PALM2AKAP2: variants seen among roughly 807,000 people sequenced by gnomAD.
PALM2AKAP2 encodes PALM2 and AKAP2 fusion.
In PALM2AKAP2, 37 loss-of-function variants were observed where a neutral mutation model predicts 71.5. The ratio of observed to expected loss-of-function variants is 0.52; its 90% CI spans 0.40 to 0.68. PALM2AKAP2 has a LOEUF of 0.68. Among genes scored for constraint, PALM2AKAP2 ranks in the 30% least tolerant of loss-of-function variants. The probability of loss-of-function intolerance (pLI) is 0.00; values close to 1 mark genes in which losing one functional copy is unlikely to be tolerated. For synonymous variants in PALM2AKAP2, 468 were observed against 478.8 expected, an observed-to-expected ratio of 0.98 and a Z score of 0.29; for missense variants, 1,224 against 1,191.8, an observed-to-expected ratio of 1.03 and a Z score of -0.40.
chr9:109,657,543 A>T (rs1425515151), intron 1 of PALM2AKAP2, among the ~76,000 whole-genome samples: 2 of 150,402 alleles, frequency 1.3e-5, no homozygotes, highest in East Asian at 3.9e-4. Flanking sequence ...GGAAGAGAGG[A>T]TGACAGAGAG....
intron 7 of PALM2AKAP2, among the ~76,000 whole-genome samples, chr9:110,027,120 ATTTT>A (rs1259624186): frequency 6.6e-6 from 1 of 152,148 alleles, no homozygotes; most frequent in Non-Finnish European, 1.5e-5. Flanking sequence ...TACAAGCTAG[ATTTT>A]TAAAGATATT....
chr9:110,076,389 C>G (rs62580259), intron 1 of PALM2AKAP2, among the ~76,000 whole-genome samples: 34,737 of 150,226 alleles, frequency 0.23, 5,103 homozygotes, highest in East Asian at 0.41. Context: ...ATAAACATCC[C>G]TGGTTATTTT....
At chr9:109,659,130 C>T (rs756104463) in intron 1 of PALM2AKAP2, among the ~76,000 whole-genome samples, 7 of 149,662 alleles carry the variant, frequency 4.7e-5, no homozygotes, top group African/African-American at 1.5e-4. Context: ...GGTAAAAATG[C>T]TATGTAATGG....
intron 1 of PALM2AKAP2, among the ~76,000 whole-genome samples, chr9:109,680,189 A>G (rs1346323347): frequency 1.3e-5 from 2 of 152,166 alleles, no homozygotes; most frequent in African/African-American, 4.8e-5. Flanking sequence ...CCTAGGATAT[A>G]TATGGTTTGG....
At chr9:109,780,056 T>C (rs1829411200), upstream of PALM2AKAP2, among the ~76,000 whole-genome samples, 1 of 151,086 alleles carries the variant, frequency 6.6e-6, no homozygotes, top group Admixed American at 6.6e-5. Context: ...GTCTGCGCCT[T>C]GGAGACCCGC....
At chr9:110,061,532 G>A (rs1406834302) in intron 1 of PALM2AKAP2, among the ~76,000 whole-genome samples, 3 of 151,406 alleles carry the variant, frequency 2.0e-5, no homozygotes, top group Admixed American at 1.3e-4. Context: ...TGAAAGTCAG[G>A]CCCTATTTCC....
intron 7 of PALM2AKAP2, among the ~76,000 whole-genome samples, chr9:110,022,617 G>A (rs1398029372): frequency 6.6e-6 from 1 of 150,536 alleles, no homozygotes; most frequent in Non-Finnish European, 1.5e-5. Context: ...TAGGGTACAT[G>A]TGCACAATGT....
intron 1 of PALM2AKAP2, among the ~76,000 whole-genome samples, chr9:109,763,350 T>C (rs1028630744): frequency 1.7e-4 from 26 of 152,262 alleles, no homozygotes; most frequent in Admixed American, 1.1e-3. Flanking sequence ...CGGGCTATAC[T>C]ACCAGACTGT....
At chr9:110,026,510 G>A (rs1833184514) in intron 7 of PALM2AKAP2, among the ~76,000 whole-genome samples, 1 of 151,860 alleles carries the variant, frequency 6.6e-6, no homozygotes, top group Non-Finnish European at 1.5e-5. Context: ...CTTTTAAAGG[G>A]TACCCGTCTG....
At position 109,771,513 on chromosome 9, in the gene PALM2AKAP2, C is replaced by G. The variant is rs144250970; in HGVS notation, c.6-8975C>G. 2.7e-3 allele frequency among the ~76,000 whole-genome samples: 409 copies of G among 152,262 alleles called. 7 individuals carry two copies. The highest frequency in any genetic ancestry group is 8.7e-3 in the African/African-American group (361 of 41,556). ...TGAGCCTAAAACAAAGGAGAACCATCCCAGAATCCTAGAAATCTCCCTTCC... is the reference window on the plus strand; with the variant it reads ...TGAGCCTAAAACAAAGGAGAACCATGCCAGAATCCTAGAAATCTCCCTTCC... On this transcript the variant is annotated intron_variant, in intron 1 of 6. Transcript: ENST00000374531.
At chr9:110,117,065 A>G (rs1473321141) in intron 1 of PALM2AKAP2, among the ~76,000 whole-genome samples, 1 of 152,182 alleles carries the variant, frequency 6.6e-6, no homozygotes, top group East Asian at 1.9e-4. Flanking sequence ...CAATTACAAT[A>G]CTAATACATG....
intron 1 of PALM2AKAP2, among the ~76,000 whole-genome samples, chr9:109,671,611 T>C (rs1385493913): frequency 6.6e-6 from 1 of 152,202 alleles, no homozygotes; most frequent in Admixed American, 6.5e-5. Flanking sequence ...TAAAATAGTT[T>C]TTTTTCTAGT....
At chr9:109,753,499 C>CT (rs1409816332) in intron 1 of PALM2AKAP2, among the ~76,000 whole-genome samples, 1 of 152,152 alleles carries the variant, frequency 6.6e-6, no homozygotes, top group Admixed American at 6.6e-5. Flanking sequence ...ACAAAACAGG[C>CT]TTTTCTGCGC....
At chr9:109,907,704 A>G (rs1321406866) in intron 3 of PALM2AKAP2, among the ~76,000 whole-genome samples, 1 of 152,248 alleles carries the variant, frequency 6.6e-6, no homozygotes, top group African/African-American at 2.4e-5. Context: ...GAACTCTTAC[A>G]ATAACTCTGG....
intron 1 of PALM2AKAP2, among the ~76,000 whole-genome samples, chr9:109,740,382 T>C (rs1316127557): frequency 6.6e-6 from 1 of 152,056 alleles, no homozygotes; most frequent in East Asian, 1.9e-4. Flanking sequence ...ATGGTGCTGA[T>C]TGGGATGGTT....
At chr9:109,996,123 A>G (rs1038442215) in intron 6 of PALM2AKAP2, among the ~76,000 whole-genome samples, 1 of 152,216 alleles carries the variant, frequency 6.6e-6, no homozygotes, top group African/African-American at 2.4e-5. Context: ...TGTTTAATAC[A>G]TCTCCTCTGG....
At chr9:110,051,691 G>A (rs918019377) in intron 1 of PALM2AKAP2, among the ~76,000 whole-genome samples, 2 of 152,096 alleles carry the variant, frequency 1.3e-5, no homozygotes, top group African/African-American at 4.8e-5. Flanking sequence ...TTTAGTTCCA[G>A]TCTTTAGCTT....
chr9:110,024,241 C>G (rs1833132118), intron 7 of PALM2AKAP2, among the ~76,000 whole-genome samples: 1 of 152,148 alleles, frequency 6.6e-6, no homozygotes, highest in Non-Finnish European at 1.5e-5. Flanking sequence ...TTCCATCATT[C>G]CAATAAGATC....
chr9:109,943,376 C>T lies in PALM2AKAP2; in HGVS notation c.496+11348C>T. 4 of 1,613,232 alleles carry T rather than the reference C, an allele frequency of 2.5e-6. No individual in the cohort carries two copies. In the East Asian group the frequency reaches 6.7e-5, roughly 27 times the overall value. ...GAAGAGAGCCTAGCTACAGAGCCAG[C>T]CCCAGGTACCCAAAAGAAAAAGCGC... On this transcript the variant is annotated intron_variant, in intron 6 of 9. Transcript: ENST00000302798.
Sources: gnomAD v4.1 joint callset for allele counts (sites outside exome capture counted in the v4.1 genomes callset) on GRCh38, gnomAD v4.1.1 for gene constraint, MANE v1.5 for transcripts, NCBI Gene and HGNC (gene_info 2026-07-23, HGNC 2026-07-21) for gene names.